Variants in SULF2 observed in about 807,000 individuals in gnomAD.
SULF2 encodes extracellular sulfatase Sulf-2.
A neutral mutation model predicts 107.7 loss-of-function variants in SULF2; 52 were observed. That is an observed-to-expected ratio of 0.48 (90% confidence interval 0.39 to 0.61). The LOEUF (loss-of-function observed/expected upper bound fraction) is 0.61. Among genes scored for constraint, SULF2 ranks in the 20% least tolerant of loss-of-function variants. The pLI, the probability that SULF2 is intolerant of heterozygous loss-of-function variation, is 0.00. For missense variants in SULF2, 993 were observed against 1,177.3 expected (o/e 0.84, Z 2.29); for synonymous variants, 460 against 464.3 (o/e 0.99, Z 0.12).
intron 17 of SULF2, 119 bp from the exon 18 acceptor site, chr20:47,662,015 G>A: frequency 3.6e-6 from 4 of 1,116,136 alleles, no homozygotes; most frequent in Non-Finnish European, 4.7e-6. Context: ...AGGGGCTGGT[G>A]ACCTGTTTAC....
chr20:47,676,203 C>T (rs764920844), intron 10 of SULF2, among the ~76,000 whole-genome samples: 16 of 152,220 alleles, frequency 1.1e-4, no homozygotes, highest in Non-Finnish European at 1.9e-4. Context: ...CCTGCTGGGG[C>T]CTTCGTGCAA....
intron 8 of SULF2, 36 bp from the exon 9 acceptor site, chr20:47,677,170 T>A (rs1356638474): frequency 1.2e-6 from 2 of 1,612,256 alleles, no homozygotes; most frequent in South Asian, 2.2e-5. Flanking sequence ...CTCAGCAACA[T>A]GAGGGCTTCC....
intron 3 of SULF2, among the ~76,000 whole-genome samples, chr20:47,733,850 T>C (rs1347525966): frequency 6.6e-6 from 1 of 152,238 alleles, no homozygotes; most frequent in Non-Finnish European, 1.5e-5. Context: ...TCAAATACCT[T>C]ACTAAATACA....
At chr20:47,711,530 TG>T (rs2146645917) in intron 3 of SULF2, among the ~76,000 whole-genome samples, 1 of 152,352 alleles carries the variant, frequency 6.6e-6, no homozygotes, top group African/African-American at 2.4e-5. Context: ...GCCATCTGGC[TG>T]GAAATACCAA....
chr20:47,725,180 T>C lies in SULF2; in HGVS notation c.415+11523A>G, dbSNP rs6094792. ...ATTCAAATCCTTTGGCGTAGCACTG[T>C]CATCGGGGATGGGACTTTCAGAAAT... On this transcript the variant is annotated intron_variant, in intron 3 of 20. Coordinates refer to ENST00000688720, the MANE Select transcript of SULF2 (RefSeq NM_001387048.1). 4.5e-3 allele frequency among the ~76,000 whole-genome samples: 690 copies of C among 152,324 alleles called. 7 individuals carry two copies. Among genetic ancestry groups the C allele is most frequent in the African/African-American group, 0.016 (659 of 41,564 alleles).
At chr20:47,721,146 GAA>G (rs5841705) in intron 3 of SULF2, among the ~76,000 whole-genome samples, 2 of 151,104 alleles carry the variant, frequency 1.3e-5, no homozygotes, top group South Asian at 2.1e-4. Context: ...TTCTGCTTTT[GAA>G]AAAAAAAATA....
intron 2 of SULF2, among the ~76,000 whole-genome samples, chr20:47,750,821 T>A (rs986386534): frequency 6.6e-6 from 1 of 152,212 alleles, no homozygotes; most frequent in Non-Finnish European, 1.5e-5. Context: ...TGAGACCGCA[T>A]CTGCCTCAGG....
chr20:47,779,295 T>C (rs973879138), intron 1 of SULF2, among the ~76,000 whole-genome samples: 5 of 152,190 alleles, frequency 3.3e-5, no homozygotes, highest in Non-Finnish European at 7.3e-5. Context: ...CTCCGGATAG[T>C]GTTAAAATGT....
intron 7 of SULF2, among the ~76,000 whole-genome samples, chr20:47,679,636 G>GC (rs1568805195): frequency 6.6e-6 from 1 of 152,194 alleles, no homozygotes; most frequent in Non-Finnish European, 1.5e-5. Flanking sequence ...TGCCCCATGA[G>GC]CAGGGACGCA....
At chr20:47,744,961 A>ACTT (rs2089973199) in intron 2 of SULF2, among the ~76,000 whole-genome samples, 1 of 152,134 alleles carries the variant, frequency 6.6e-6, no homozygotes, top group Non-Finnish European at 1.5e-5. Context: ...ACACACACAA[A>ACTT]CAGATGCACA....
At chr20:47,721,571 C>T (rs553667501) in intron 3 of SULF2, among the ~76,000 whole-genome samples, 92 of 152,150 alleles carry the variant, frequency 6.0e-4, no homozygotes, top group African/African-American at 2.0e-3. Flanking sequence ...GGTTTCACCA[C>T]GTTGGTCAGG....
chr20:47,738,514 C>G (rs2089800230), intron 2 of SULF2, among the ~76,000 whole-genome samples: 1 of 152,140 alleles, frequency 6.6e-6, no homozygotes, highest in Non-Finnish European at 1.5e-5. Context: ...TGTCCCCACC[C>G]AAATCTCATC....
intron 4 of SULF2, among the ~76,000 whole-genome samples, chr20:47,702,274 G>A (rs2088596726): frequency 6.6e-6 from 1 of 152,112 alleles, no homozygotes; most frequent in Non-Finnish European, 1.5e-5. Flanking sequence ...TGCCCAGGCT[G>A]GTCTTGAACT....
chr20:47,758,339 T>C (rs1433551559), intron 1 of SULF2, among the ~76,000 whole-genome samples: 2 of 151,944 alleles, frequency 1.3e-5, no homozygotes, highest in African/African-American at 4.8e-5. Context: ...CCGGCTAATT[T>C]TTTGTATTTT....
At position 47,666,144 on chromosome 20, in the gene SULF2, A is replaced by T. The variant is rs1448318788; in HGVS notation, c.1805+116T>A. On this transcript the variant is annotated intron_variant, in intron 12 of 20. Coordinates refer to ENST00000688720, the MANE Select transcript of SULF2 (RefSeq NM_001387048.1). This position sits in a 1 kb window ranked among gnomAD's most constrained non-coding sequence, Gnocchi z 5.4. ...AATAGTCGGGAAGGCCTCCAGTGCCACTGAAGTCCCCACCATCCTTGTCAT... is the reference window on the plus strand; with the variant it reads ...AATAGTCGGGAAGGCCTCCAGTGCCTCTGAAGTCCCCACCATCCTTGTCAT... 1 of 1,611,844 alleles carries T rather than the reference A, an allele frequency of 6.2e-7. No individual in the cohort carries two copies. The highest frequency in any genetic ancestry group is 8.5e-7 in the Non-Finnish European group (1 of 1,179,566).
chr20:47,672,636 T>C, intron 10 of SULF2: 1 of 814,610 alleles, frequency 1.2e-6, no homozygotes, highest in Non-Finnish European at 1.5e-6. Context: ...GGTTACCTGC[T>C]TCTGTCTGCT....
intron 15 of SULF2, 46 bp from the exon 16 acceptor site, chr20:47,663,668 A>C: frequency 6.6e-7 from 1 of 1,522,258 alleles, no homozygotes; most frequent in Non-Finnish European, 8.8e-7. Context: ...CTGAGGGATC[A>C]GTGACCCCAT....
chr20:47,675,426 T>C (rs999157463), intron 10 of SULF2, among the ~76,000 whole-genome samples: 16 of 152,144 alleles, frequency 1.1e-4, no homozygotes, highest in African/African-American at 3.6e-4. Context: ...TACGGGTTAA[T>C]TGTGTGACTA....
At chr20:47,739,928 C>T (rs1409383308) in intron 2 of SULF2, among the ~76,000 whole-genome samples, 1 of 152,148 alleles carries the variant, frequency 6.6e-6, no homozygotes, top group African/African-American at 2.4e-5. Context: ...AGGATATGTG[C>T]TCTCCAGTTT....
Sources: allele counts gnomAD v4.1 joint callset (sites outside exome capture counted in the v4.1 genomes callset), GRCh38; gene constraint gnomAD v4.1.1; non-coding constraint Gnocchi (gnomAD v3.1); transcripts MANE v1.5; gene names NCBI Gene and HGNC (gene_info 2026-07-23, HGNC 2026-07-21).